PDE4B: variants seen among roughly 807,000 people sequenced by gnomAD.
The protein encoded by PDE4B is 3',5'-cyclic-AMP phosphodiesterase 4B.
A neutral mutation model predicts 82.2 loss-of-function variants in PDE4B; 20 were observed. That is an observed-to-expected ratio of 0.24 (90% CI 0.17 to 0.35). The LOEUF (loss-of-function observed/expected upper bound fraction) is 0.35, where lower values mean the gene tolerates loss of function less well. Ranked by LOEUF, PDE4B falls within the 10% of genes least tolerant of loss-of-function variation. PDE4B has a pLI of 1.00. For synonymous variants in PDE4B, 320 were observed against 318.9 expected, an observed-to-expected ratio of 1.00 and a Z score of -0.04; for missense variants, 655 against 907.2, an observed-to-expected ratio of 0.72 and a Z score of 3.57.
chr1:66,017,827 A>AT (rs567252425), intron 3 of PDE4B, among the ~76,000 whole-genome samples: 3,708 of 148,800 alleles, frequency 0.025, 73 homozygotes, highest in Middle Eastern at 0.034. Context: ...TATTAGTGAG[A>AT]TTTTTAAAAA....
At chr1:66,150,282 G>A (rs1466872960) in intron 3 of PDE4B, among the ~76,000 whole-genome samples, 1 of 152,058 alleles carries the variant, frequency 6.6e-6, no homozygotes, top group African/African-American at 2.4e-5. Flanking sequence ...GAAAAAAAAA[G>A]GGCCAATGGA....
intron 3 of PDE4B, among the ~76,000 whole-genome samples, chr1:66,126,670 G>A (rs956358837): frequency 1.3e-5 from 2 of 152,162 alleles, no homozygotes; most frequent in Non-Finnish European, 2.9e-5. Context: ...TTAGAACCCA[G>A]GAGTAATAAT....
chr1:65,897,286 G>A (rs936550499), intron 1 of PDE4B, among the ~76,000 whole-genome samples: 2 of 152,096 alleles, frequency 1.3e-5, no homozygotes, highest in Non-Finnish European at 2.9e-5. Flanking sequence ...GCATTGGCTT[G>A]CATAGAATAA....
chr1:66,247,528 G>A lies in PDE4B; in HGVS notation c.350G>A (p.Gly117Glu), dbSNP rs756716067. 53 of 1,612,794 alleles carry A rather than the reference G, an allele frequency of 3.3e-5. No homozygotes were observed. The highest frequency in any genetic ancestry group is 4.5e-5 in the Non-Finnish European group (53 of 1,179,444). The change falls in exon 4 of 17, where the codon GGG (glycine) becomes GAG (glutamate). Residue 117 changes from glycine to glutamate, a missense_variant. By Grantham distance (98) the Gly-to-Glu change is moderately conservative (BLOSUM62 -2). This residue lies in a region of PDE4B where 253 missense variants were observed against 275.6 expected (regional missense o/e 0.92). Coordinates refer to ENST00000341517, the MANE Select transcript of PDE4B (RefSeq NM_002600.4). The stretch of plus-strand genomic sequence containing the variant: ...GATCCCCAGGCCAGCTCTTCCGCTG[G>A]GCTGGTACTTCACGCCACCTTTCCT... ...PLDPQASSSA[G>E]LVLHATFPGH...
Position 65,963,154 on chromosome 1 carries a change from A to G in PDE4B, c.281+44319A>G, listed in dbSNP as rs898843535. Among the ~76,000 whole-genome samples the G allele has an allele frequency of 3.9e-5, 6 of 152,148 alleles. No homozygotes were observed. The East Asian group carries it at 1.2e-3, about 29-fold the overall frequency. ...CCACTGGATGCATACTGCCTTACCT[A>G]AAGTACTCTCCTTCTATACTAACCC... On this transcript the variant is annotated intron_variant, in intron 3 of 16. Coordinates refer to ENST00000341517, the MANE Select transcript of PDE4B (RefSeq NM_002600.4).
chr1:65,908,647 T>G (rs1376373565), intron 1 of PDE4B, among the ~76,000 whole-genome samples: 1 of 152,132 alleles, frequency 6.6e-6, no homozygotes, highest in Non-Finnish European at 1.5e-5. Context: ...CATCATGTCA[T>G]TATTCCAATC....
chr1:66,362,478 G>C (rs768734794), intron 10 of PDE4B, among the ~76,000 whole-genome samples: 1 of 152,156 alleles, frequency 6.6e-6, no homozygotes, highest in Non-Finnish European at 1.5e-5. Flanking sequence ...TTAGAGGAAG[G>C]TTGATTAAAC....
At chr1:66,131,067 A>G (rs149477755) in intron 3 of PDE4B, among the ~76,000 whole-genome samples, 1 of 152,348 alleles carries the variant, frequency 6.6e-6, no homozygotes, top group East Asian at 1.9e-4. Context: ...AATGGCCCTT[A>G]TAAGGTTAGG....
chr1:66,189,949 C>G (rs529785392), intron 3 of PDE4B, among the ~76,000 whole-genome samples: 4 of 152,240 alleles, frequency 2.6e-5, no homozygotes, highest in African/African-American at 9.6e-5. Flanking sequence ...TCTGTTTTTT[C>G]CCCATCTTTG....
chr1:66,105,031 TG>T (rs1406219145), intron 3 of PDE4B, among the ~76,000 whole-genome samples: 1 of 152,174 alleles, frequency 6.6e-6, no homozygotes, highest in Non-Finnish European at 1.5e-5. Context: ...GTGTTCTGAA[TG>T]GTAATGCCTA....
At chr1:66,166,192 G>A (rs1003013303) in intron 3 of PDE4B, among the ~76,000 whole-genome samples, 3 of 152,122 alleles carry the variant, frequency 2.0e-5, no homozygotes, top group African/African-American at 7.2e-5. Context: ...ATATCCACAT[G>A]CAAAAGAATG....
intron 4 of PDE4B, 190 bp from the exon 5 acceptor site, chr1:66,257,457 A>G (rs765688818): frequency 6.5e-6 from 5 of 768,738 alleles, no homozygotes; most frequent in Non-Finnish European, 1.2e-5. Flanking sequence ...TGAATCTAGT[A>G]CTAATTTTTT....
intron 3 of PDE4B, among the ~76,000 whole-genome samples, chr1:66,203,686 C>T (rs373224003): frequency 6.6e-6 from 1 of 152,312 alleles, no homozygotes. Flanking sequence ...CGAGCCTTGG[C>T]TTTCAGCTCC....
chr1:66,049,883 TG>T (rs1312810984), intron 3 of PDE4B, among the ~76,000 whole-genome samples: 1 of 152,036 alleles, frequency 6.6e-6, no homozygotes, highest in Non-Finnish European at 1.5e-5. Flanking sequence ...GGTTACCTTT[TG>T]CTTTAGAGAT....
intron 3 of PDE4B, among the ~76,000 whole-genome samples, chr1:65,973,673 A>ATC (rs1055032341): frequency 6.6e-6 from 1 of 152,206 alleles, no homozygotes; most frequent in Non-Finnish European, 1.5e-5. Flanking sequence ...ACAACACAAG[A>ATC]TCTCTCTCTT....
Position 66,083,784 on chromosome 1 carries a change from CT to C in PDE4B, c.282-163674del, listed in dbSNP as rs1656863765. On this transcript the variant is annotated intron_variant, in intron 3 of 16. Coordinates refer to ENST00000341517, the MANE Select transcript of PDE4B (RefSeq NM_002600.4). ...CTCTTTGGAAAATCTGTAACTCTCCCTTCACTAATTTCCTTCATTGTTAAAC... is the reference window on the plus strand; with the variant it reads ...CTCTTTGGAAAATCTGTAACTCTCCCTCACTAATTTCCTTCATTGTTAAAC... 2.0e-5 allele frequency among the ~76,000 whole-genome samples: 3 copies of C among 152,156 alleles called. No homozygotes were observed. The South Asian group carries it at 6.2e-4, about 32-fold the overall frequency.
chr1:65,960,427 T>C (rs1030065812), intron 3 of PDE4B, among the ~76,000 whole-genome samples: 1 of 152,118 alleles, frequency 6.6e-6, no homozygotes, highest in Admixed American at 6.6e-5. Context: ...TGTCTGTGAT[T>C]GCTGAGGTTG....
At chr1:66,336,942 G>A (rs908099294) in intron 8 of PDE4B, among the ~76,000 whole-genome samples, 1 of 152,218 alleles carries the variant, frequency 6.6e-6, no homozygotes, top group Non-Finnish European at 1.5e-5. Flanking sequence ...TGGGAATTAG[G>A]CTGCATGACA....
At chr1:66,354,791 G>T in intron 8 of PDE4B, 1 of 1,534,564 alleles carries the variant, frequency 6.5e-7, no homozygotes, top group South Asian at 1.2e-5. Context: ...TGCTCTCTCA[G>T]AACTGTGAAT....
Sources: gnomAD v4.1 joint callset for allele counts (sites outside exome capture counted in the v4.1 genomes callset) on GRCh38, gnomAD v4.1.1 for gene constraint, gnomAD v4.1.1 regional missense constraint, MANE v1.5 for transcripts, NCBI Gene and HGNC (gene_info 2026-07-23, HGNC 2026-07-21) for gene names.